Variants in MACROD2 observed in about 807,000 individuals in gnomAD.
MACROD2 encodes the protein ADP-ribose glycohydrolase MACROD2.
A neutral mutation model predicts 70.4 loss-of-function variants in MACROD2; 36 were observed. The ratio of observed to expected loss-of-function variants is 0.51; its 90% CI spans 0.39 to 0.68. The LOEUF (loss-of-function observed/expected upper bound fraction) is 0.68, where lower values mean the gene tolerates loss of function less well. Ranked by LOEUF, MACROD2 falls within the 30% of genes least tolerant of loss-of-function variation. The pLI is 0.00. For synonymous variants in MACROD2, 172 were observed against 178.8 expected (o/e 0.96, Z 0.30); for missense variants, 496 against 538.4 (o/e 0.92, Z 0.78).
chr20:14,007,448 G>T (rs1487926272), intron 2 of MACROD2, among the ~76,000 whole-genome samples: 1 of 151,892 alleles, frequency 6.6e-6, no homozygotes, highest in East Asian at 1.9e-4. Flanking sequence ...TGTCCCAGTG[G>T]TTAACAGTCT....
chr20:14,012,016 C>G (rs747934833), intron 2 of MACROD2, among the ~76,000 whole-genome samples: 2 of 152,066 alleles, frequency 1.3e-5, no homozygotes, highest in Non-Finnish European at 2.9e-5. Context: ...TCAAGTGATT[C>G]TTGTACCTCA....
chr20:14,846,611 G>A (rs551301683), intron 5 of MACROD2, among the ~76,000 whole-genome samples: 3 of 150,428 alleles, frequency 2.0e-5, no homozygotes, highest in Non-Finnish European at 4.4e-5. Flanking sequence ...TCTGCCTCCC[G>A]GGTTCACGCC....
chr20:14,963,765 A>C (rs549725717), intron 5 of MACROD2, among the ~76,000 whole-genome samples: 4 of 152,328 alleles, frequency 2.6e-5, no homozygotes, highest in African/African-American at 7.2e-5. Context: ...ATGTAGATTC[A>C]TAATGATCAA....
At chr20:14,010,815 C>G (rs913972048) in intron 2 of MACROD2, among the ~76,000 whole-genome samples, 1 of 152,066 alleles carries the variant, frequency 6.6e-6, no homozygotes, top group African/African-American at 2.4e-5. Flanking sequence ...TTGCCATATT[C>G]CCAGTCTCTT....
intron 6 of MACROD2, among the ~76,000 whole-genome samples, chr20:15,250,326 C>A (rs748759016): frequency 6.6e-6 from 1 of 152,162 alleles, no homozygotes; most frequent in Non-Finnish European, 1.5e-5. Context: ...TGGCAATATT[C>A]TTACTATACC....
chr20:15,199,421 G>A (rs1339304707), intron 5 of MACROD2, among the ~76,000 whole-genome samples: 1 of 152,078 alleles, frequency 6.6e-6, no homozygotes, highest in African/African-American at 2.4e-5. Flanking sequence ...TGTGACTCCA[G>A]GTGACTTATT....
intron 3 of MACROD2, among the ~76,000 whole-genome samples, chr20:14,346,384 C>T (rs534509507): frequency 1.3e-5 from 2 of 152,070 alleles, no homozygotes; most frequent in East Asian, 3.9e-4. Flanking sequence ...ACTTTCTTTT[C>T]CCTTGGCTTC....
intron 6 of MACROD2, among the ~76,000 whole-genome samples, chr20:15,419,044 C>G (rs1026279002): frequency 4.6e-5 from 7 of 152,172 alleles, no homozygotes; most frequent in East Asian, 3.9e-4. Flanking sequence ...TCCTCAGAAG[C>G]AGACTCTGGG....
At chr20:15,323,100 AGTGATATATTGCTT>A (rs1168403677) in intron 6 of MACROD2, among the ~76,000 whole-genome samples, 15 of 103,960 alleles carry the variant, frequency 1.4e-4, no homozygotes, top group South Asian at 3.2e-4. Context: ...GCCATTCTGC[AGTGATATATTGCTT>A]AATTTGCCTT....
At chr20:14,393,818 GTC>G (rs2083552402) in intron 3 of MACROD2, among the ~76,000 whole-genome samples, 1 of 152,168 alleles carries the variant, frequency 6.6e-6, no homozygotes, top group African/African-American at 2.4e-5. Context: ...GGATTTGAGA[GTC>G]TTTGTCAGGT....
chr20:14,621,226 A>G (rs1426653052), intron 4 of MACROD2, among the ~76,000 whole-genome samples: 1 of 152,160 alleles, frequency 6.6e-6, no homozygotes, highest in Non-Finnish European at 1.5e-5. Context: ...GTTAGGTGCT[A>G]TTATTAAGAA....
At chr20:16,017,041 C>G (rs2066939115) in intron 15 of MACROD2, among the ~76,000 whole-genome samples, 1 of 152,184 alleles carries the variant, frequency 6.6e-6, no homozygotes, top group Non-Finnish European at 1.5e-5. Context: ...CTTGCTTTAT[C>G]TGTAACTTCT....
intron 5 of MACROD2, among the ~76,000 whole-genome samples, chr20:15,059,754 G>A (rs1489027262): frequency 1.3e-5 from 2 of 152,184 alleles, no homozygotes; most frequent in African/African-American, 4.8e-5. Flanking sequence ...ACTTGCAAAA[G>A]AGAACAGAAT....
At chr20:15,529,619 G>A (rs989967078) in intron 8 of MACROD2, among the ~76,000 whole-genome samples, 1 of 151,538 alleles carries the variant, frequency 6.6e-6, no homozygotes, top group African/African-American at 2.4e-5. Context: ...GTGATTTTAA[G>A]TGAATTGAAA....
At chr20:14,082,016 A>C (rs1298508948) in intron 2 of MACROD2, among the ~76,000 whole-genome samples, 5 of 152,148 alleles carry the variant, frequency 3.3e-5, no homozygotes, top group Admixed American at 2.6e-4. Context: ...CAGTATATTT[A>C]TTCAATAAAT....
chr20:15,443,905 T>G (rs1200374099), intron 7 of MACROD2, among the ~76,000 whole-genome samples: 2 of 152,170 alleles, frequency 1.3e-5, no homozygotes, highest in Non-Finnish European at 2.9e-5. Flanking sequence ...TCATTCAGAT[T>G]TTAAGACGAT....
intron 5 of MACROD2, among the ~76,000 whole-genome samples, chr20:14,694,371 C>T (rs1042335843): frequency 2.6e-5 from 4 of 151,948 alleles, no homozygotes; most frequent in Non-Finnish European, 5.9e-5. Flanking sequence ...TAATTTTTCC[C>T]AGGTCATGTG....
chr20:14,045,710 G>T, intron 2 of MACROD2, among the ~76,000 whole-genome samples: 1 of 152,138 alleles, frequency 6.6e-6, no homozygotes, highest in East Asian at 1.9e-4. Flanking sequence ...GTCAGATATT[G>T]AAATTACTAG....
At chr20:14,184,715 G>A (rs540085409) in intron 3 of MACROD2, among the ~76,000 whole-genome samples, 1 of 152,154 alleles carries the variant, frequency 6.6e-6, no homozygotes, top group Middle Eastern at 3.4e-3. Context: ...GCAGTGGTTT[G>A]TAGTTCTCCT....
Sources: gnomAD v4.1 joint callset for allele counts (sites outside exome capture counted in the v4.1 genomes callset) on GRCh38, gnomAD v4.1.1 for gene constraint, MANE v1.5 for transcripts, NCBI Gene and HGNC (gene_info 2026-07-23, HGNC 2026-07-21) for gene names.